The following ANKRD27 variants were observed in gnomAD, a reference collection of about 807,000 sequenced individuals.
ANKRD27 encodes the protein ankyrin repeat domain-containing protein 27.
A neutral mutation model predicts 129.7 loss-of-function variants in ANKRD27; 112 were observed. That is an observed-to-expected ratio of 0.86 (90% CI 0.74 to 1.01). The LOEUF is 1.01. Among genes scored for constraint, ANKRD27 ranks in the 50% least tolerant of loss-of-function variants. The probability of loss-of-function intolerance (pLI) is 0.00; values close to 1 mark genes in which losing one functional copy is unlikely to be tolerated. For missense variants in ANKRD27, 1,258 were observed against 1,300.5 expected, an observed-to-expected ratio of 0.97 and a Z score of 0.50; for synonymous variants, 516 against 511.2, an observed-to-expected ratio of 1.01 and a Z score of -0.13.
intron 1 of ANKRD27, among the ~76,000 whole-genome samples, chr19:32,660,513 G>A (rs62124332): frequency 0.14 from 20,853 of 152,032 alleles, 2,125 homozygotes; most frequent in African/African-American, 0.27. Context: ...GCGAGACTCC[G>A]TTTCAAAAAA....
chr19:32,648,087 G>A (rs1434551641), intron 3 of ANKRD27, among the ~76,000 whole-genome samples: 1 of 152,142 alleles, frequency 6.6e-6, no homozygotes, highest in Non-Finnish European at 1.5e-5. Context: ...CTAATATGGT[G>A]AAACCCCGTC....
intron 2 of ANKRD27, among the ~76,000 whole-genome samples, chr19:32,653,383 G>A (rs558271179): frequency 6.6e-6 from 1 of 152,174 alleles, no homozygotes; most frequent in East Asian, 1.9e-4. Flanking sequence ...TGAAATTTTT[G>A]TTTTTCCTGT....
chr19:32,623,797 G>A (rs972321281), intron 17 of ANKRD27, among the ~76,000 whole-genome samples: 1 of 151,840 alleles, frequency 6.6e-6, no homozygotes, highest in Non-Finnish European at 1.5e-5. Context: ...GCAATTTGCC[G>A]GCCTTGGTCT....
At chr19:32,663,883 C>T (rs1324028709) in intron 1 of ANKRD27, among the ~76,000 whole-genome samples, 1 of 151,038 alleles carries the variant, frequency 6.6e-6, no homozygotes, top group Non-Finnish European at 1.5e-5. Flanking sequence ...GGTGAAACCC[C>T]GTCTCTACTA....
chr19:32,610,913 C>CA, intron 22 of ANKRD27, among the ~76,000 whole-genome samples: 1 of 151,774 alleles, frequency 6.6e-6, no homozygotes, highest in Non-Finnish European at 1.5e-5. Context: ...CCAGGAGTCC[C>CA]AAGCTGTAAG....
intron 1 of ANKRD27, among the ~76,000 whole-genome samples, chr19:32,662,358 G>A (rs575883650): frequency 1.2e-3 from 169 of 137,640 alleles, no homozygotes; most frequent in Non-Finnish European, 2.3e-3. Context: ...CATTTCCGCA[G>A]CCCCTGAATC....
intron 2 of ANKRD27, among the ~76,000 whole-genome samples, chr19:32,655,766 C>G (rs1967506134): frequency 6.6e-6 from 1 of 152,086 alleles, no homozygotes; most frequent in South Asian, 2.1e-4. Flanking sequence ...GCCTGTAATT[C>G]CAGCACTTTG....
intron 2 of ANKRD27, among the ~76,000 whole-genome samples, chr19:32,657,135 T>C (rs259248): frequency 0.67 from 101,880 of 151,870 alleles, 34,368 homozygotes; most frequent in African/African-American, 0.7. Flanking sequence ...CAAGACCAGC[T>C]GGGACAACAC....
chr19:32,643,106 G>A lies in ANKRD27; in HGVS notation c.782+17C>T. On this transcript the variant is annotated intron_variant, in intron 9 of 28. Coordinates refer to ENST00000306065, the MANE Select transcript of ANKRD27 (RefSeq NM_032139.3). ...CTGCCTCTGAGGACACCAAGCCGCTGTGGCGCAAACCCTTACCTGAACTCC... is the reference window on the plus strand; with the variant it reads ...CTGCCTCTGAGGACACCAAGCCGCTATGGCGCAAACCCTTACCTGAACTCC... 2 of 1,613,268 alleles carry A rather than the reference G, an allele frequency of 1.2e-6. No individual in the cohort carries two copies. Among genetic ancestry groups the A allele is most frequent in the Non-Finnish European group, 1.7e-6 (2 of 1,179,728 alleles).
intron 10 of ANKRD27, 35 bp from the exon 11 acceptor site, chr19:32,640,420 G>C (rs1400103141): frequency 1.3e-6 from 2 of 1,585,482 alleles, no homozygotes; most frequent in Non-Finnish European, 8.7e-7. Flanking sequence ...ATGCCATCAT[G>C]AGATTCAAAT....
chr19:32,600,015 AAG>A lies in ANKRD27; in HGVS notation c.2801_2802del (p.Pro934LeufsTer15). 1 of 1,613,206 alleles carries A rather than the reference AAG, an allele frequency of 6.2e-7. No individual in the cohort carries two copies. Among genetic ancestry groups the A allele is most frequent in the East Asian group, 2.2e-5 (1 of 44,868 alleles). Reference sequence around the variant, plus strand: ...TGGACAAAGTAAAACTGTCTTGTAAAAGGCTCATCTGGTAGATCATACAGTTT... The same window carrying A: ...TGGACAAAGTAAAACTGTCTTGTAAAGCTCATCTGGTAGATCATACAGTTT... Reference protein sequence around the residue: ...NSKLYDLPDEPFTRQFYFVHS... With the variant: ...NSKLYDLPDEXFTRQFYFVHS... On this transcript the variant is annotated frameshift_variant, in exon 27 of 29. Coordinates refer to ENST00000306065, the MANE Select transcript of ANKRD27 (RefSeq NM_032139.3). LOFTEE classifies it high-confidence loss of function.
intron 4 of ANKRD27, among the ~76,000 whole-genome samples, chr19:32,645,990 G>A (rs987013073): frequency 2.0e-5 from 3 of 151,386 alleles, no homozygotes; most frequent in Admixed American, 6.6e-5. Context: ...CGAGTACAGA[G>A]GCGTGATCTC....
chr19:32,649,747 T>C lies in ANKRD27; in HGVS notation c.148A>G (p.Thr50Ala), dbSNP rs765255990. The change falls in exon 3 of 29, where the codon ACT becomes GCT. Residue 50 changes from threonine to alanine, a missense_variant. By Grantham distance (58) the Thr-to-Ala change is moderately conservative. Transcript: ENST00000306065. Reference sequence around the variant, plus strand: ...AAAATGTAGGACTCAAACTGACAAGTAGACTGGATGCTGCTCGACAGGCTT... The same window carrying C: ...AAAATGTAGGACTCAAACTGACAAGCAGACTGGATGCTGCTCGACAGGCTT... ...KGSLSSSIQS[T>A]CQFESYILIP... is the part of the protein sequence containing the mutation. 21 of 1,613,788 alleles carry C rather than the reference T, an allele frequency of 1.3e-5. No individual in the cohort carries two copies. Among genetic ancestry groups the C allele is most frequent in the South Asian group, 3.3e-5 (3 of 91,086 alleles).
intron 10 of ANKRD27, 50 bp from the exon 11 acceptor site, chr19:32,640,435 T>G: frequency 6.7e-7 from 1 of 1,496,930 alleles, no homozygotes; most frequent in Non-Finnish European, 9.3e-7. Context: ...TCAAATGGAC[T>G]GACAAGCATA....
chr19:32,631,589 G>A lies in ANKRD27; in HGVS notation c.1117-95C>T, dbSNP rs116183605. On this transcript the variant is annotated intron_variant, in intron 12 of 28. Transcript: ENST00000306065. ...CAACCCCGGCTGTCTCTTCAGAGCA[G>A]TATCGGCTGCGCCTCTCTCCCGTCT... 8.2e-4 allele frequency: 759 copies of A among 928,536 alleles called. 5 individuals carry two copies. The African/African-American group carries it at 0.011, about 14-fold the overall frequency. The allele number at this position is 928,536 out of a possible 1,614,324, so 57.5% of individuals were successfully genotyped here.
At chr19:32,656,009 C>G (rs188205071) in intron 2 of ANKRD27, among the ~76,000 whole-genome samples, 4 of 131,828 alleles carry the variant, frequency 3.0e-5, no homozygotes, top group Admixed American at 8.1e-5. Flanking sequence ...CACAGTGAGA[C>G]TCTGTTTCAA....
intron 12 of ANKRD27, among the ~76,000 whole-genome samples, chr19:32,632,550 A>G (rs368493729): frequency 2.2e-3 from 311 of 140,322 alleles, no homozygotes; most frequent in African/African-American, 8.1e-3. Flanking sequence ...GTGCCACTAC[A>G]CTCCAGCCTG....
chr19:32,662,333 AAAAG>A (rs1352896961), intron 1 of ANKRD27, among the ~76,000 whole-genome samples: 1 of 151,138 alleles, frequency 6.6e-6, no homozygotes, highest in African/African-American at 2.4e-5. Flanking sequence ...AAAAAAAAAA[AAAAG>A]GAAGTAGACT....
At chr19:32,633,288 C>G (rs1967031459) in intron 12 of ANKRD27, among the ~76,000 whole-genome samples, 1 of 151,068 alleles carries the variant, frequency 6.6e-6, no homozygotes, top group African/African-American at 2.4e-5. Flanking sequence ...GCATGCAAAG[C>G]TGCAGACAAG....
Sources: allele counts gnomAD v4.1 joint callset (sites outside exome capture counted in the v4.1 genomes callset), GRCh38; gene constraint gnomAD v4.1.1; transcripts MANE v1.5; gene names NCBI Gene and HGNC (gene_info 2026-07-23, HGNC 2026-07-21).